TBCD: variants seen among roughly 807,000 people sequenced by gnomAD.
TBCD encodes tubulin folding cofactor D, also known as tubulin-specific chaperone D.
A neutral mutation model predicts 169.3 loss-of-function variants in TBCD; 105 were observed. The ratio of observed to expected loss-of-function variants is 0.62; its 90% confidence interval spans 0.53 to 0.73. The LOEUF is 0.73. TBCD is among the 30% of genes least tolerant of loss of function. TBCD has a pLI of 0.00. For missense variants in TBCD, 1,444 were observed against 1,600.1 expected, an observed-to-expected ratio of 0.90 and a Z score of 1.66; for synonymous variants, 700 against 643.9, an observed-to-expected ratio of 1.09 and a Z score of -1.32.
In TBCD at chr17:82,944,437, A is replaced by G. The variant is rs1005625864; in HGVS notation, c.*1974A>G. On this transcript the variant is annotated 3_prime_UTR_variant, in exon 39 of 39. Transcript: ENST00000355528. ...TGATAGCTGGGGCAGACAATAGCAA[A>G]TGAACAAGCAAGCACCATCAAGGCA... 8 of 152,264 alleles carry G rather than the reference A, an allele frequency of 5.3e-5. No individual in the cohort carries two copies. Among genetic ancestry groups the G allele is most frequent in the African/African-American group, 1.9e-4 (8 of 41,470 alleles). 9.4% of individuals were successfully genotyped at this position (152,264 alleles called of 1,614,324 possible). A position where few individuals can be genotyped will look rare whatever the true frequency, so the allele number is the denominator to read the frequency against.
chr17:82,758,277 T>G (rs1470098486), intron 2 of TBCD, among the ~76,000 whole-genome samples: 2 of 148,104 alleles, frequency 1.4e-5, no homozygotes, highest in African/African-American at 5.0e-5. Context: ...TCCCAGCTAC[T>G]TGGGGCTGAA....
intron 14 of TBCD, among the ~76,000 whole-genome samples, chr17:82,882,668 G>A (rs1225126592): frequency 6.6e-6 from 1 of 152,174 alleles, no homozygotes; most frequent in Non-Finnish European, 1.5e-5. Flanking sequence ...AAACAGGCTC[G>A]AGATGCTGTG....
chr17:82,929,296 G>A lies in TBCD; in HGVS notation c.2852+25G>A, dbSNP rs8072518. 4.2e-3 allele frequency: 6,817 copies of A among 1,611,550 alleles called. 285 individuals carry two copies. In the African/African-American group the frequency reaches 0.079, roughly 19 times the overall value. On this transcript the variant is annotated intron_variant, in intron 31 of 38. Transcript: ENST00000355528. ...GGTACTGTCGGGGTGTAGGCCCCCC[G>A]TGCTGGCCCCGCAGCCATGGCGAGA...
In TBCD at chr17:82,870,347, A is replaced by C; in HGVS notation, c.1442A>C (p.Gln481Pro). 2.5e-6 allele frequency: 4 copies of C among 1,613,358 alleles called. No homozygotes were observed. The highest frequency in any genetic ancestry group is 3.4e-6 in the Non-Finnish European group (4 of 1,179,844). Residue 481 changes from glutamine (Q) to proline (P), a missense_variant, in exon 14 of 39, where the codon CAG becomes CCG. Coordinates refer to ENST00000355528, the MANE Select transcript of TBCD (RefSeq NM_005993.5). ...GCCTTCGCGCGTGCCTATGAGCCTC[A>C]GGAGCTGAAGCCCTTTGTGACTGCA... Reference protein sequence around the residue: ...CWAFARAYEPQELKPFVTAIS... With the variant: ...CWAFARAYEPPELKPFVTAIS...
rs111962206 is a variant in TBCD at position 82,764,600 on chromosome 17, A to G, written c.333+538A>G. 8.9e-4 allele frequency among the ~76,000 whole-genome samples: 135 copies of G among 152,324 alleles called. 2 individuals carry two copies. In the Middle Eastern group the frequency reaches 0.01, roughly 12 times the overall value. On this transcript the variant is annotated intron_variant, in intron 3 of 38. Transcript: ENST00000355528. ...GCAGAGGTTGCAGTGAGCCGAGATC[A>G]TGCTGTTGCACTCCAGCCTGAGTGA...
At chr17:82,882,626 G>A (rs2058437934) in intron 14 of TBCD, among the ~76,000 whole-genome samples, 1 of 152,236 alleles carries the variant, frequency 6.6e-6, no homozygotes, top group Admixed American at 6.5e-5. Context: ...AGGCCAGTGG[G>A]TCTGGGGTGA....
intron 13 of TBCD, among the ~76,000 whole-genome samples, chr17:82,865,877 T>C (rs971707489): frequency 3.3e-5 from 5 of 152,156 alleles, no homozygotes; most frequent in Non-Finnish European, 5.9e-5. Flanking sequence ...CCTCAGGCAA[T>C]TGGCGTTCAA....
chr17:82,908,941 C>G (rs1183614114), intron 21 of TBCD, among the ~76,000 whole-genome samples: 4 of 152,254 alleles, frequency 2.6e-5, no homozygotes, highest in African/African-American at 9.6e-5. Context: ...ACATCAGCAT[C>G]CTGTTTGGCA....
At chr17:82,924,555 C>G (rs2061606971) in intron 26 of TBCD, among the ~76,000 whole-genome samples, 1 of 152,152 alleles carries the variant, frequency 6.6e-6, no homozygotes, top group Non-Finnish European at 1.5e-5. Context: ...ATAGAACATG[C>G]ATTATTAATC....
intron 13 of TBCD, chr17:82,830,476 C>T: frequency 1.9e-6 from 3 of 1,613,226 alleles, no homozygotes; most frequent in Non-Finnish European, 1.7e-6. Context: ...CTCGCCGGGG[C>T]CTGTGGGTGG....
chr17:82,824,118 T>C (rs1028525429), intron 13 of TBCD, among the ~76,000 whole-genome samples: 5 of 152,166 alleles, frequency 3.3e-5, no homozygotes, highest in Non-Finnish European at 7.3e-5. Flanking sequence ...TTTCTTTCTT[T>C]TAAAGGCTGA....
chr17:82,937,498 A>G (rs2062727052), intron 35 of TBCD, 138 bp downstream of exon 35: 1 of 774,436 alleles, frequency 1.3e-6, no homozygotes, highest in South Asian at 1.7e-5. Context: ...CGTGCATTCC[A>G]ATGTTCAAAG....
At chr17:82,891,443 A>G (rs1171522188) in intron 16 of TBCD, among the ~76,000 whole-genome samples, 1 of 152,232 alleles carries the variant, frequency 6.6e-6, no homozygotes, top group Non-Finnish European at 1.5e-5. Flanking sequence ...AAGAAGCGGC[A>G]CAGATTTTGA....
chr17:82,768,373 T>G (rs372567415), intron 4 of TBCD, 47 bp from the exon 5 acceptor site: 393 of 1,609,830 alleles, frequency 2.4e-4, no homozygotes, highest in Non-Finnish European at 3.1e-4. Flanking sequence ...GCCAGTGGCC[T>G]GTGATTTTCA....
chr17:82,812,391 G>A (rs891084799), intron 12 of TBCD, among the ~76,000 whole-genome samples: 3 of 152,106 alleles, frequency 2.0e-5, no homozygotes, highest in African/African-American at 7.2e-5. Flanking sequence ...CGGTTTCATC[G>A]AGGTTTTGGA....
At position 82,887,699 on chromosome 17, in the gene TBCD, C is replaced by T. The variant is rs563843115; in HGVS notation, c.1534-1969C>T. Among the ~76,000 whole-genome samples the T allele has an allele frequency of 3.9e-5, 6 of 152,326 alleles. No individual in the cohort carries two copies. The South Asian group carries it at 1.2e-3, about 32-fold the overall frequency. The stretch of plus-strand genomic sequence containing the variant: ...CTTTCTAGAGCAGCTGCACCATTCA[C>T]GTTCGCACCACCACCTGCCCGCAGC... On this transcript the variant is annotated intron_variant, in intron 15 of 38. Transcript: ENST00000355528.
At chr17:82,899,375 ACGTGTCCTCAGCACG>A (rs923991892) in intron 17 of TBCD, among the ~76,000 whole-genome samples, 2 of 64,784 alleles carry the variant, frequency 3.1e-5, no homozygotes, top group African/African-American at 8.4e-5. Context: ...TCCTCAGCGC[ACGTGTCCTCAGCACG>A]CGTGTCCTCA....
At chr17:82,862,814 A>C (rs990336721) in intron 13 of TBCD, among the ~76,000 whole-genome samples, 7 of 152,144 alleles carry the variant, frequency 4.6e-5, no homozygotes, top group Non-Finnish European at 8.8e-5. Flanking sequence ...GGAGTTATGG[A>C]AGTCCAGGCG....
chr17:82,924,933 T>C lies in TBCD; in HGVS notation c.2261-6T>C, dbSNP rs1976986248. 1 of 1,556,390 alleles carries C rather than the reference T, an allele frequency of 6.4e-7. No individual in the cohort carries two copies. Among genetic ancestry groups the C allele is most frequent in the Non-Finnish European group, 8.7e-7 (1 of 1,149,164 alleles). On this transcript the variant is annotated splice_polypyrimidine_tract_variant and splice_region_variant and intron_variant, in intron 26 of 38. Coordinates refer to ENST00000355528, the MANE Select transcript of TBCD (RefSeq NM_005993.5). Reference sequence around the variant, plus strand: ...GCCTCTCTTCACACTCGTTGCTTCCTTTCAGAGGAGCTGATCACGCAGTAC... The same window carrying C: ...GCCTCTCTTCACACTCGTTGCTTCCCTTCAGAGGAGCTGATCACGCAGTAC...
Sources: gnomAD v4.1 joint callset for allele counts (sites outside exome capture counted in the v4.1 genomes callset) on GRCh38, gnomAD v4.1.1 for gene constraint, MANE v1.5 for transcripts, NCBI Gene and HGNC (gene_info 2026-07-23, HGNC 2026-07-21) for gene names.